NIN: variants seen among roughly 807,000 people sequenced by gnomAD.
NIN encodes the protein ninein.
Under a neutral mutation model 257.6 loss-of-function variants are expected in NIN, and 137 were observed. That is an observed-to-expected ratio of 0.53 (90% CI 0.46 to 0.61). The LOEUF (loss-of-function observed/expected upper bound fraction) is 0.61. Among genes scored for constraint, NIN ranks in the 20% least tolerant of loss-of-function variants. The pLI is 0.00. For missense variants in NIN, 2,439 were observed against 2,501.2 expected (o/e 0.98, Z 0.53); for synonymous variants, 918 against 919.8 (o/e 1.00, Z 0.04).
At chr14:50,780,863 T>C (rs2043107604) in intron 5 of NIN, among the ~76,000 whole-genome samples, 1 of 152,178 alleles carries the variant, frequency 6.6e-6, no homozygotes, top group South Asian at 2.1e-4. Flanking sequence ...GTGATAACAA[T>C]TTCATCAGCT....
chr14:50,811,745 T>C (rs1171672720), intron 3 of NIN, among the ~76,000 whole-genome samples: 1 of 151,512 alleles, frequency 6.6e-6, no homozygotes, highest in Admixed American at 6.6e-5. Flanking sequence ...ACTAAAAAAA[T>C]TTACTCTGGG....
intron 29 of NIN, chr14:50,727,741 G>A (rs373021661): frequency 2.0e-5 from 29 of 1,426,450 alleles, no homozygotes; most frequent in Non-Finnish European, 2.6e-5. Context: ...TCGCTGCTCC[G>A]GTAGCAAGGC....
chr14:50,766,419 C>T, intron 13 of NIN, 23 bp from the exon 14 acceptor site: 2 of 1,610,504 alleles, frequency 1.2e-6, no homozygotes, highest in Non-Finnish European at 1.7e-6. Context: ...AAGGGCAAAG[C>T]TGTCATTTTT....
intron 3 of NIN, among the ~76,000 whole-genome samples, chr14:50,821,240 G>A (rs577659986): frequency 2.1e-3 from 313 of 152,236 alleles, no homozygotes; most frequent in African/African-American, 7.2e-3. Flanking sequence ...ATTGGCAAGA[G>A]GAAAAAAAGA....
Position 50,756,603 on chromosome 14 carries a change from A to C in NIN, c.4427T>G (p.Val1476Gly). 2 of 1,590,196 alleles carry C rather than the reference A, an allele frequency of 1.3e-6. No individual in the cohort carries two copies. Among genetic ancestry groups the C allele is most frequent in the East Asian group, 2.3e-5 (1 of 44,084 alleles). Residue 1476 changes from valine to glycine, a missense_variant, in exon 18 of 31, where the codon GTT becomes GGT. Coordinates refer to ENST00000530997, the MANE Select transcript of NIN (RefSeq NM_020921.4). Reference protein sequence around the residue: ...RKLKERVTILVKQKDVLSHGE... With the variant: ...RKLKERVTILGKQKDVLSHGE... ...GTGAGAAAGTACATCTTTTTGCTTA[A>C]CTAAAATAGTGACTCTCTCCTTCAA...
intron 5 of NIN, 114 bp downstream of exon 5, chr14:50,792,598 C>T (rs549058298): frequency 4.5e-4 from 494 of 1,088,362 alleles, no homozygotes; most frequent in Non-Finnish European, 6.1e-4. Flanking sequence ...GAGTTGGTAA[C>T]TGAGAAAAGC....
chr14:50,750,802 A>G (rs951374948), intron 21 of NIN, among the ~76,000 whole-genome samples: 1 of 152,162 alleles, frequency 6.6e-6, no homozygotes, highest in African/African-American at 2.4e-5. Flanking sequence ...AAACGTTACT[A>G]TGGTTCTAAG....
chr14:50,821,219 A>T (rs536460979), intron 3 of NIN, among the ~76,000 whole-genome samples: 3 of 152,238 alleles, frequency 2.0e-5, no homozygotes, highest in South Asian at 2.1e-4. Flanking sequence ...ATGGCAGATC[A>T]AATATCCACC....
At chr14:50,795,217 A>C (rs1436704872) in intron 4 of NIN, among the ~76,000 whole-genome samples, 1 of 152,238 alleles carries the variant, frequency 6.6e-6, no homozygotes, top group Non-Finnish European at 1.5e-5. Flanking sequence ...TTATTTTCCA[A>C]ACCATGCAAG....
chr14:50,811,249 C>T (rs1369491575), intron 3 of NIN, among the ~76,000 whole-genome samples: 1 of 151,798 alleles, frequency 6.6e-6, no homozygotes, highest in Non-Finnish European at 1.5e-5. Flanking sequence ...GCTGGGATTA[C>T]AGGCGCCCAC....
intron 21 of NIN, among the ~76,000 whole-genome samples, chr14:50,749,920 T>C (rs373746308): frequency 6.6e-6 from 1 of 152,204 alleles, no homozygotes; most frequent in African/African-American, 2.4e-5. Context: ...TGCAAACTCC[T>C]GGGCTCAAGT....
intron 5 of NIN, among the ~76,000 whole-genome samples, chr14:50,784,549 TAA>T (rs932154819): frequency 1.3e-5 from 2 of 152,168 alleles, no homozygotes; most frequent in African/African-American, 4.8e-5. Context: ...CTTGGATGTG[TAA>T]AACTAGAACA....
At position 50,770,569 on chromosome 14, in the gene NIN, C is replaced by T. The variant is rs781549127; in HGVS notation, c.1260-7G>A. The T allele has an allele frequency of 1.5e-5, 24 of 1,610,908 alleles. No homozygotes were observed. Among genetic ancestry groups the T allele is most frequent in the Admixed American group, 1.0e-4 (6 of 59,232 alleles). Reference sequence around the variant, plus strand: ...GTACTCTTCATCCAGTTTCCTGTAACGAAGAAAAATGGACAAGCTGCCATC... The same window carrying T: ...GTACTCTTCATCCAGTTTCCTGTAATGAAGAAAAATGGACAAGCTGCCATC... On this transcript the variant is annotated splice_region_variant and splice_polypyrimidine_tract_variant and intron_variant, in intron 11 of 30. Coordinates refer to ENST00000530997, the MANE Select transcript of NIN (RefSeq NM_020921.4).
At chr14:50,798,426 G>T (rs1393783968) in intron 4 of NIN, among the ~76,000 whole-genome samples, 1 of 152,174 alleles carries the variant, frequency 6.6e-6, no homozygotes. Context: ...CCCCCCGAAG[G>T]TGCCTAAGCT....
intron 29 of NIN, chr14:50,727,097 A>G (rs933935777): frequency 4.8e-5 from 15 of 315,554 alleles, no homozygotes. Flanking sequence ...TTAAAAAAAA[A>G]TAATAGCTTT....
At position 50,830,190 on chromosome 14, in the gene NIN, T is replaced by A. The variant is rs1011263747; in HGVS notation, c.-22+274A>T. ...CGGAACCACCACCCCTTCTGCTCCC[T>A]CGGGGACTCAAGCCTGCTCTCGGTC... is the stretch of plus-strand genomic sequence containing the variant. On this transcript the variant is annotated intron_variant, in intron 2 of 30. Transcript: ENST00000530997. 6.6e-5 allele frequency among the ~76,000 whole-genome samples: 10 copies of A among 152,232 alleles called. No individual in the cohort carries two copies. The South Asian group carries it at 8.3e-4, about 13-fold the overall frequency.
intron 3 of NIN, among the ~76,000 whole-genome samples, chr14:50,814,013 T>C (rs1206566728): frequency 6.6e-6 from 1 of 152,232 alleles, no homozygotes; most frequent in Non-Finnish European, 1.5e-5. Context: ...TAATGAAAGA[T>C]ACACTTATAT....
Position 50,744,377 on chromosome 14 carries a change from A to G in NIN, c.5065-12T>C. 1 of 1,613,016 alleles carries G rather than the reference A, an allele frequency of 6.2e-7. No homozygotes were observed. Among genetic ancestry groups the G allele is most frequent in the Non-Finnish European group, 8.5e-7 (1 of 1,179,488 alleles). On this transcript the variant is annotated splice_polypyrimidine_tract_variant and intron_variant, in intron 22 of 30. Coordinates refer to ENST00000530997, the MANE Select transcript of NIN (RefSeq NM_020921.4). The stretch of plus-strand genomic sequence containing the variant: ...GGACATCTGTGCAGCTGTAAGAGAT[A>G]AACAAATGAGCCCTCCCATCACATC...
chr14:50,812,846 C>T (rs1332793794), intron 3 of NIN, among the ~76,000 whole-genome samples: 2 of 152,186 alleles, frequency 1.3e-5, no homozygotes, highest in Non-Finnish European at 2.9e-5. Context: ...CTTCAGAGCC[C>T]AATAACGTCT....
Sources: allele counts gnomAD v4.1 joint callset (sites outside exome capture counted in the v4.1 genomes callset), GRCh38; gene constraint gnomAD v4.1.1; transcripts MANE v1.5; gene names NCBI Gene and HGNC (gene_info 2026-07-23, HGNC 2026-07-21).